The following INVS variants were observed in gnomAD, a reference collection of about 807,000 sequenced individuals.
INVS encodes inversion of embryo turning homolog.
INVS carries 86 observed loss-of-function variants against 108.8 expected under a neutral mutation model. The observed-to-expected ratio is 0.79, with a 90% CI of 0.66 to 0.95. INVS has a LOEUF of 0.95. Ranked by LOEUF, INVS falls within the 40% of genes least tolerant of loss-of-function variation. The probability of loss-of-function intolerance (pLI) is 0.00; values close to 1 mark genes in which losing one functional copy is unlikely to be tolerated. For missense variants in INVS, 1,169 were observed against 1,297.4 expected (o/e 0.90, Z 1.52); for synonymous variants, 455 against 473.5 (o/e 0.96, Z 0.51).
chr9:100,186,151 T>A (rs560360768), intron 3 of INVS, among the ~76,000 whole-genome samples: 1 of 152,240 alleles, frequency 6.6e-6, no homozygotes, highest in South Asian at 2.1e-4. Context: ...CAGGTTGTAC[T>A]AATTTTTTTT....
At position 100,196,914 on chromosome 9, in the gene INVS, C is replaced by G. The variant is rs971055108; in HGVS notation, c.274-29148C>G. Among the ~76,000 whole-genome samples, 9 of 152,182 alleles carry G rather than the reference C, an allele frequency of 5.9e-5. No homozygotes were observed. In the East Asian group the frequency reaches 1.7e-3, roughly 29 times the overall value. ...TTTTTTTCTGCTCTCTCACTCGACA[C>G]AAAATCAACACAGAAGACTTCAGTG... is the stretch of plus-strand genomic sequence containing the variant. On this transcript the variant is annotated intron_variant, in intron 3 of 16. Coordinates refer to ENST00000262457, the MANE Select transcript of INVS (RefSeq NM_014425.5).
intron 3 of INVS, among the ~76,000 whole-genome samples, chr9:100,181,749 G>T (rs1829893753): frequency 1.3e-5 from 2 of 152,072 alleles, no homozygotes; most frequent in African/African-American, 4.8e-5. Context: ...TTTCTTCACA[G>T]AATTAGAAAA....
Position 100,292,617 on chromosome 9 carries a change from A to C in INVS, c.2360A>C (p.Lys787Thr), listed in dbSNP as rs1219683422. Residue 787 changes from lysine to threonine, a missense_variant, in exon 14 of 17, where the codon AAA becomes ACA. By Grantham distance (78) the Lys-to-Thr change is moderately conservative. Coordinates refer to ENST00000262457, the MANE Select transcript of INVS (RefSeq NM_014425.5). ...CGGCATGACACAGAACCCAAGGCCA[A>C]ATGTGCCCCCCAGAAAAGGCGCACT... is the stretch of plus-strand genomic sequence containing the variant. The part of the protein sequence containing the change: ...SRRHDTEPKA[K>T]CAPQKRRTQE... The C allele has an allele frequency of 6.2e-7, 1 of 1,614,166 alleles. No homozygotes were observed. Among genetic ancestry groups the C allele is most frequent in the Non-Finnish European group, 8.5e-7 (1 of 1,180,008 alleles).
In INVS at chr9:100,229,732, A is replaced by C. The variant is rs370730139; in HGVS notation, c.520A>C (p.Asn174His). The C allele has an allele frequency of 1.2e-6, 2 of 1,613,962 alleles. No homozygotes were observed. Among genetic ancestry groups the C allele is most frequent in the Non-Finnish European group, 1.7e-6 (2 of 1,179,946 alleles). Reference sequence around the variant, plus strand: ...GAAGCTGCTCATCAAGCATGATTCTAACATTGGGATTCCTGATGTTGAAGG... The same window carrying C: ...GAAGCTGCTCATCAAGCATGATTCTCACATTGGGATTCCTGATGTTGAAGG... ...HVKLLIKHDS[N>H]IGIPDVEGKI... Residue 174 changes from asparagine to histidine, a missense_variant, in exon 5 of 17, where the codon AAC becomes CAC. Physicochemically the swap from Asn to His is moderately conservative, Grantham distance 68 (BLOSUM62 1). Around this residue, in one of 3 missense-constraint regions of INVS, gnomAD observed 365 missense variants for 397.5 expected, o/e 0.92. Transcript: ENST00000262457.
chr9:100,193,894 T>C (rs1268812103), intron 3 of INVS, among the ~76,000 whole-genome samples: 1 of 152,208 alleles, frequency 6.6e-6, no homozygotes, highest in African/African-American at 2.4e-5. Context: ...ATTGCAGGCA[T>C]GAACAAGGTA....
At chr9:100,163,068 A>G (rs1829240984) in intron 3 of INVS, among the ~76,000 whole-genome samples, 1 of 152,100 alleles carries the variant, frequency 6.6e-6, no homozygotes, top group Non-Finnish European at 1.5e-5. Flanking sequence ...GGTCACCTTC[A>G]TGGAATTCCA....
chr9:100,291,598 A>G (rs1833616715), intron 13 of INVS, among the ~76,000 whole-genome samples: 2 of 152,180 alleles, frequency 1.3e-5, no homozygotes, highest in African/African-American at 4.8e-5. Context: ...GTCACACTAA[A>G]GCAATATTGT....
At chr9:100,161,380 A>ACAAAC (rs1564138752) in intron 3 of INVS, among the ~76,000 whole-genome samples, 2 of 115,430 alleles carry the variant, frequency 1.7e-5, no homozygotes, top group African/African-American at 1.0e-4. Flanking sequence ...AAAAAAAAAA[A>ACAAAC]AAAAAAAAAA....
At chr9:100,117,467 T>A (rs1827571920) in intron 2 of INVS, 14 of 784,458 alleles carry the variant, frequency 1.8e-5, no homozygotes, top group Non-Finnish European at 3.2e-5. Context: ...CTCCTTATCC[T>A]CGGCCTTGCC....
At chr9:100,108,702 C>G (rs1340424377) in intron 2 of INVS, among the ~76,000 whole-genome samples, 1 of 152,170 alleles carries the variant, frequency 6.6e-6, no homozygotes, top group East Asian at 1.9e-4. Flanking sequence ...GTTTTCCCCT[C>G]TCTGTTTCCA....
chr9:100,102,258 C>G (rs1230942248), intron 1 of INVS, among the ~76,000 whole-genome samples: 1 of 151,954 alleles, frequency 6.6e-6, no homozygotes, highest in Non-Finnish European at 1.5e-5. Flanking sequence ...CCACCACAGC[C>G]CAGCTAATTT....
At chr9:100,273,527 CTTT>C (rs58458085) in intron 12 of INVS, among the ~76,000 whole-genome samples, 16 of 96,308 alleles carry the variant, frequency 1.7e-4, no homozygotes, top group African/African-American at 5.5e-4. Flanking sequence ...CCACTCAGTT[CTTT>C]TTTTTTTTTT....
intron 3 of INVS, among the ~76,000 whole-genome samples, chr9:100,167,979 C>T (rs543305679): frequency 3.3e-5 from 5 of 152,074 alleles, no homozygotes; most frequent in Non-Finnish European, 7.4e-5. Flanking sequence ...CCCACCCCAG[C>T]GACTCCTGCT....
chr9:100,289,749 C>A (rs566428198), intron 13 of INVS, among the ~76,000 whole-genome samples: 1 of 152,282 alleles, frequency 6.6e-6, no homozygotes, highest in African/African-American at 2.4e-5. Flanking sequence ...TGCATGTCAC[C>A]CAGTTTATCC....
rs57488885 is a variant in INVS, at chr9:100,161,388, A to AAACAAAAAAAAAAAC, written c.273+34841_273+34842insCAAAAAAAAAAACAA. ...TCAAAAAAAAAAAAAAAAAAAAAAA[A>AAACAAAAAAAAAAAC]AAAACCTCATAAATTGAGTGTTGTG... On this transcript the variant is annotated intron_variant, in intron 3 of 16. Transcript: ENST00000262457. Among the ~76,000 whole-genome samples, 13 of 139,046 alleles carry AAACAAAAAAAAAAAC rather than the reference A, an allele frequency of 9.3e-5. 1 individual carries two copies. The highest frequency in any genetic ancestry group is 3.2e-4 in the African/African-American group (11 of 34,018). The allele number at this position is 139,046 out of a possible 152,430, so 91.2% of individuals were successfully genotyped here.
intron 3 of INVS, among the ~76,000 whole-genome samples, chr9:100,156,426 A>T (rs1828985303): frequency 6.6e-6 from 1 of 150,858 alleles, no homozygotes; most frequent in Admixed American, 6.6e-5. Context: ...GCACCTGGCT[A>T]TTTTTTTTGT....
At chr9:100,131,259 T>G (rs2118911751) in intron 3 of INVS, among the ~76,000 whole-genome samples, 1 of 152,298 alleles carries the variant, frequency 6.6e-6, no homozygotes, top group Non-Finnish European at 1.5e-5. Context: ...TATTTTACTT[T>G]TATAGAAAGT....
At chr9:100,234,262 T>C (rs1362683571) in intron 5 of INVS, among the ~76,000 whole-genome samples, 7 of 152,210 alleles carry the variant, frequency 4.6e-5, no homozygotes, top group Non-Finnish European at 1.5e-5. Context: ...CTCTGTTTTC[T>C]TCTTTATTAG....
intron 3 of INVS, among the ~76,000 whole-genome samples, chr9:100,224,075 C>G (rs182977067): frequency 1.3e-5 from 2 of 152,268 alleles, no homozygotes; most frequent in African/African-American, 2.4e-5. Context: ...AAAAAAATCT[C>G]ATAATGTTTT....
Sources: allele counts gnomAD v4.1 joint callset (sites outside exome capture counted in the v4.1 genomes callset), GRCh38; gene constraint gnomAD v4.1.1; regional missense constraint gnomAD v4.1.1; transcripts MANE v1.5; gene names NCBI Gene and HGNC (gene_info 2026-07-23, HGNC 2026-07-21).